The following KCTD1 variants were observed in gnomAD, a reference collection of about 807,000 sequenced individuals.
KCTD1 encodes the protein BTB/POZ domain-containing protein KCTD1.
In KCTD1, 24 loss-of-function variants were observed where a neutral mutation model predicts 66.0. That is an observed-to-expected ratio of 0.36 (90% CI 0.26 to 0.51). The LOEUF (loss-of-function observed/expected upper bound fraction) is 0.51. KCTD1 is among the 20% of genes least tolerant of loss of function. The pLI is 0.95. For missense variants in KCTD1, 943 were observed against 1,205.2 expected, an observed-to-expected ratio of 0.78 and a Z score of 3.22; for synonymous variants, 511 against 517.2, an observed-to-expected ratio of 0.99 and a Z score of 0.16.
At chr18:26,473,772 C>T (rs1981198649) in intron 3 of KCTD1, among the ~76,000 whole-genome samples, 1 of 152,146 alleles carries the variant, frequency 6.6e-6, no homozygotes, top group Non-Finnish European at 1.5e-5. Flanking sequence ...TTGGGAACTG[C>T]CCTTGGCTGG....
chr18:26,645,464 G>A (rs1026269190), intron 1 of KCTD1, among the ~76,000 whole-genome samples: 7 of 152,120 alleles, frequency 4.6e-5, no homozygotes, highest in African/African-American at 1.7e-4. Flanking sequence ...GTGCAGTGCT[G>A]CAAACATAAC....
intron 3 of KCTD1, among the ~76,000 whole-genome samples, chr18:26,467,353 C>T (rs1980796100): frequency 6.6e-6 from 1 of 151,928 alleles, no homozygotes; most frequent in South Asian, 2.1e-4. Flanking sequence ...ACCGTCTCTA[C>T]AAAAAATGAA....
chr18:26,600,864 C>T (rs1002038001), intron 1 of KCTD1, among the ~76,000 whole-genome samples: 4 of 152,064 alleles, frequency 2.6e-5, no homozygotes, highest in African/African-American at 9.7e-5. Context: ...TGTCCCTCTG[C>T]CCCCTTCCAT....
Position 26,547,071 on chromosome 18 carries a change from C to T in KCTD1, c.1466G>A (p.Arg489Gln). The change falls in exon 1 of 5, where the codon CGG becomes CAG. Residue 489 changes from arginine to glutamine, a missense_variant. Transcript: ENST00000580059. ...CYAEALNGAA[R>Q]HHSHHPPTHP... ...GGTGGGGGGGTGGTGGGAGTGGTGCCGTGCCGCCCCGTTCAGAGCCTCGGC... is the reference window on the plus strand; with the variant it reads ...GGTGGGGGGGTGGTGGGAGTGGTGCTGTGCCGCCCCGTTCAGAGCCTCGGC... 1 of 1,524,240 alleles carries T rather than the reference C, an allele frequency of 6.6e-7. No individual in the cohort carries two copies. Among genetic ancestry groups the T allele is most frequent in the South Asian group, 1.2e-5 (1 of 81,678 alleles). The allele number at this position is 1,524,240 out of a possible 1,614,324, so 94.4% of individuals were successfully genotyped here.
intron 1 of KCTD1, among the ~76,000 whole-genome samples, chr18:26,527,972 ACT>A: frequency 6.6e-6 from 1 of 152,162 alleles, no homozygotes; most frequent in East Asian, 1.9e-4. Context: ...AAATCTAGAA[ACT>A]CTCTCTGCAT....
At chr18:26,517,658 CAAAAA>C (rs968619785) in intron 1 of KCTD1, among the ~76,000 whole-genome samples, 1 of 53,408 alleles carries the variant, frequency 1.9e-5, no homozygotes, top group Non-Finnish European at 3.3e-5. Flanking sequence ...ACTCCGTCTC[CAAAAA>C]AAAAAAAAAA....
intron 2 of KCTD1, among the ~76,000 whole-genome samples, chr18:26,485,820 G>C (rs1410145711): frequency 6.6e-6 from 1 of 151,590 alleles, no homozygotes; most frequent in Non-Finnish European, 1.5e-5. Flanking sequence ...TCCATAATGT[G>C]TTTTCCATTT....
Position 26,455,478 on chromosome 18 carries a change from T to C in KCTD1, c.*265A>G. On this transcript the variant is annotated 3_prime_UTR_variant, in exon 5 of 5. Transcript: ENST00000580059. Reference sequence around the variant, plus strand: ...CGGCCATCACAGCACCAACTGCGGCTGTCACCTTTTTTTTTTTTCTTTTTT... The same window carrying C: ...CGGCCATCACAGCACCAACTGCGGCCGTCACCTTTTTTTTTTTTCTTTTTT... 5.4e-6 allele frequency: 1 copy of C among 185,598 alleles called. No individual in the cohort carries two copies. The highest frequency in any genetic ancestry group is 1.0e-5 in the Non-Finnish European group (1 of 96,838). The allele number at this position is 185,598 out of a possible 1,614,324, so 11.5% of individuals were successfully genotyped here.
chr18:26,604,365 G>A (rs1369616127), intron 1 of KCTD1, among the ~76,000 whole-genome samples: 2 of 152,150 alleles, frequency 1.3e-5, no homozygotes, highest in Non-Finnish European at 2.9e-5. Context: ...TTCTCAAAGA[G>A]CTAAAAGCAG....
upstream of KCTD1, chr18:26,549,722 C>G (rs1175582361): frequency 1.0e-6 from 1 of 985,332 alleles, no homozygotes; most frequent in Non-Finnish European, 1.2e-6. Flanking sequence ...CCGGAGCGCA[C>G]TCTCACTCAA....
chr18:26,514,567 A>AG (rs1983549696), intron 1 of KCTD1, among the ~76,000 whole-genome samples: 2 of 133,946 alleles, frequency 1.5e-5, no homozygotes, highest in South Asian at 4.7e-4. Context: ...AAAAAAAAAA[A>AG]AAAAGAAATG....
chr18:26,511,037 T>G (rs1983304327), intron 1 of KCTD1, among the ~76,000 whole-genome samples: 1 of 152,224 alleles, frequency 6.6e-6, no homozygotes, highest in Admixed American at 6.5e-5. Context: ...CAGAGTTGAA[T>G]ATTTACTACT....
chr18:26,557,362 A>G (rs1022939306), intron 1 of KCTD1, among the ~76,000 whole-genome samples: 4 of 152,178 alleles, frequency 2.6e-5, no homozygotes, highest in African/African-American at 9.7e-5. Flanking sequence ...TGGATATTGT[A>G]AGTGCTTTTT....
intron 1 of KCTD1, among the ~76,000 whole-genome samples, chr18:26,512,613 G>A (rs1353591487): frequency 6.6e-6 from 1 of 152,134 alleles, no homozygotes; most frequent in African/African-American, 2.4e-5. Context: ...GAACTCCTCA[G>A]GGTGTCTGTA....
At chr18:26,559,148 C>CA (rs997558843) in intron 1 of KCTD1, among the ~76,000 whole-genome samples, 11 of 151,466 alleles carry the variant, frequency 7.3e-5, no homozygotes, top group Non-Finnish European at 1.3e-4. Context: ...TTAATAGGTA[C>CA]AAAAAAATTA....
intron 1 of KCTD1, among the ~76,000 whole-genome samples, chr18:26,627,408 A>C (rs1598973716): frequency 6.6e-6 from 1 of 152,204 alleles, no homozygotes; most frequent in Admixed American, 6.5e-5. Flanking sequence ...ATTAGATTGA[A>C]CCATGTACAA....
At chr18:26,626,379 A>G (rs1598973209) in intron 1 of KCTD1, among the ~76,000 whole-genome samples, 1 of 152,150 alleles carries the variant, frequency 6.6e-6, no homozygotes, top group African/African-American at 2.4e-5. Flanking sequence ...GGTAAGTTCA[A>G]TGAAGAAAAC....
intron 1 of KCTD1, among the ~76,000 whole-genome samples, chr18:26,539,789 T>C (rs1984888304): frequency 6.6e-6 from 1 of 152,174 alleles, no homozygotes; most frequent in Non-Finnish European, 1.5e-5. Flanking sequence ...CATAGCAACT[T>C]GAAATATCAG....
chr18:26,480,669 G>A (rs1981596189), intron 2 of KCTD1, among the ~76,000 whole-genome samples: 1 of 152,140 alleles, frequency 6.6e-6, no homozygotes, highest in Non-Finnish European at 1.5e-5. Flanking sequence ...TCGGGAGGTT[G>A]AGGCAGAGAA....
Sources: gnomAD v4.1 joint callset for allele counts (sites outside exome capture counted in the v4.1 genomes callset) on GRCh38, gnomAD v4.1.1 for gene constraint, MANE v1.5 for transcripts, NCBI Gene and HGNC (gene_info 2026-07-23, HGNC 2026-07-21) for gene names.